CLVS1: variants seen among roughly 807,000 people sequenced by gnomAD.
CLVS1 encodes the protein clavesin-1.
Under a neutral mutation model 33.1 loss-of-function variants are expected in CLVS1, and 10 were observed. The observed-to-expected ratio is 0.30, with a 90% CI of 0.19 to 0.51. CLVS1 has a LOEUF of 0.51. Among genes scored for constraint, CLVS1 ranks in the 20% least tolerant of loss-of-function variants. The pLI, the probability that CLVS1 is intolerant of heterozygous loss-of-function variation, is 0.97. For synonymous variants in CLVS1, 163 were observed against 166.1 expected (o/e 0.98, Z 0.14); for missense variants, 343 against 433.4 (o/e 0.79, Z 1.85).
intron 2 of CLVS1, among the ~76,000 whole-genome samples, chr8:61,189,145 G>A (rs1178796545): frequency 2.0e-5 from 3 of 152,176 alleles, no homozygotes; most frequent in African/African-American, 4.8e-5. Flanking sequence ...TACCCACAAA[G>A]GGAAGCCCAT....
chr8:61,023,402 G>A, the CLVS1 span, among the ~76,000 whole-genome samples: 4 of 152,164 alleles, frequency 2.6e-5, no homozygotes, highest in South Asian at 2.1e-4. Flanking sequence ...ATGCAGCGGC[G>A]TGCAATCGCC....
chr8:61,409,018 G>A (rs1815110603), intron 3 of CLVS1, among the ~76,000 whole-genome samples: 1 of 152,106 alleles, frequency 6.6e-6, no homozygotes, highest in Non-Finnish European at 1.5e-5. Context: ...AGGCTTAAAA[G>A]CCCTAAGGGG....
At chr8:61,015,056 G>A in the CLVS1 span, among the ~76,000 whole-genome samples, 1 of 152,240 alleles carries the variant, frequency 6.6e-6, no homozygotes, top group Non-Finnish European at 1.5e-5. Flanking sequence ...CAATTGCCAG[G>A]CTGAGACCCA....
chr8:61,337,781 G>A (rs1563502844), intron 2 of CLVS1, among the ~76,000 whole-genome samples: 1 of 152,224 alleles, frequency 6.6e-6, no homozygotes, highest in African/African-American at 2.4e-5. Flanking sequence ...CTAAGGGAGT[G>A]TGGCAGGGCG....
At chr8:61,109,220 T>C (rs1338506944) in intron 1 of CLVS1, among the ~76,000 whole-genome samples, 2 of 152,154 alleles carry the variant, frequency 1.3e-5, no homozygotes, top group Non-Finnish European at 2.9e-5. Flanking sequence ...TTCCTTTTTT[T>C]TTCATTTGCA....
intron 5 of CLVS1, among the ~76,000 whole-genome samples, chr8:61,480,668 C>G (rs933734550): frequency 2.0e-5 from 3 of 152,118 alleles, no homozygotes; most frequent in Admixed American, 6.5e-5. Context: ...CCATCTTCTG[C>G]GTCGCTTCTG....
chr8:61,032,560 A>G, the CLVS1 span, among the ~76,000 whole-genome samples: 2 of 152,110 alleles, frequency 1.3e-5, no homozygotes, highest in African/African-American at 4.8e-5. Context: ...ATTACCAGTT[A>G]GGCCTTGGGG....
At chr8:61,349,272 A>G (rs546179775) in intron 2 of CLVS1, among the ~76,000 whole-genome samples, 2 of 152,182 alleles carry the variant, frequency 1.3e-5, no homozygotes, top group East Asian at 1.9e-4. Context: ...TTGGAATTTC[A>G]TTAAAAAAAT....
At chr8:61,401,783 G>A (rs1035226149) in intron 3 of CLVS1, among the ~76,000 whole-genome samples, 3 of 152,116 alleles carry the variant, frequency 2.0e-5, no homozygotes, top group Non-Finnish European at 4.4e-5. Context: ...GAACAAAGCT[G>A]GAAGCTCCTT....
chr8:61,306,906 C>T (rs138253300), intron 2 of CLVS1, among the ~76,000 whole-genome samples: 15 of 152,196 alleles, frequency 9.9e-5, no homozygotes, highest in African/African-American at 2.4e-4. Flanking sequence ...GAACCCTTAG[C>T]GGTATGCACT....
the CLVS1 span, among the ~76,000 whole-genome samples, chr8:61,023,817 G>C: frequency 6.6e-6 from 1 of 152,182 alleles, no homozygotes; most frequent in South Asian, 2.1e-4. Flanking sequence ...GCTCTCAGCC[G>C]CTGTGCTCAC....
chr8:61,206,606 T>G (rs1807847937), intron 2 of CLVS1, among the ~76,000 whole-genome samples: 1 of 137,122 alleles, frequency 7.3e-6, no homozygotes, highest in Admixed American at 7.6e-5. Context: ...TTTTTTTTTT[T>G]GAGATGGAGT....
intron 5 of CLVS1, among the ~76,000 whole-genome samples, chr8:61,466,738 C>G (rs1437044779): frequency 6.6e-6 from 1 of 152,170 alleles, no homozygotes; most frequent in Non-Finnish European, 1.5e-5. Context: ...ACCTCCACCT[C>G]CCGGGTTCAA....
At chr8:61,443,109 A>G (rs114627488) in intron 3 of CLVS1, among the ~76,000 whole-genome samples, 1 of 152,104 alleles carries the variant, frequency 6.6e-6, no homozygotes, top group African/African-American at 2.4e-5. Flanking sequence ...TATATTTGAG[A>G]GCTTATTATA....
intron 2 of CLVS1, among the ~76,000 whole-genome samples, chr8:61,312,331 C>T (rs1300644555): frequency 1.3e-5 from 2 of 152,170 alleles, no homozygotes; most frequent in Admixed American, 1.3e-4. Context: ...GCCCATGCTT[C>T]GCTCCAGTTG....
chr8:61,380,992 A>G (rs1813854566), intron 3 of CLVS1, among the ~76,000 whole-genome samples: 1 of 152,048 alleles, frequency 6.6e-6, no homozygotes, highest in Non-Finnish European at 1.5e-5. Flanking sequence ...GGACCCAGAT[A>G]TTTGTTACGG....
At chr8:61,230,484 A>G (rs1204577817) in intron 2 of CLVS1, among the ~76,000 whole-genome samples, 1 of 152,238 alleles carries the variant, frequency 6.6e-6, no homozygotes, top group African/African-American at 2.4e-5. Flanking sequence ...TAATAGACAT[A>G]AGCACTAAAA....
chr8:61,348,446 G>A (rs967171714), intron 2 of CLVS1, among the ~76,000 whole-genome samples: 2 of 151,946 alleles, frequency 1.3e-5, no homozygotes, highest in African/African-American at 2.4e-5. Flanking sequence ...AAACCTGCAC[G>A]TTGTGCACAT....
At chr8:61,030,104 AC>A in the CLVS1 span, among the ~76,000 whole-genome samples, 4 of 152,170 alleles carry the variant, frequency 2.6e-5, no homozygotes, top group Non-Finnish European at 5.9e-5. Context: ...GACTAGGCAC[AC>A]CCTGGTGGGG....
Sources: gnomAD v4.1 joint callset for allele counts (sites outside exome capture counted in the v4.1 genomes callset) on GRCh38, gnomAD v4.1.1 for gene constraint, MANE v1.5 for transcripts, NCBI Gene and HGNC (gene_info 2026-07-23, HGNC 2026-07-21) for gene names.